SGSM1: variants seen among roughly 807,000 people sequenced by gnomAD.
SGSM1 encodes small G protein signaling modulator 1.
In SGSM1, 73 loss-of-function variants were observed where a neutral mutation model predicts 133.8. That is an observed-to-expected ratio of 0.55 (90% confidence interval 0.45 to 0.66). The LOEUF (loss-of-function observed/expected upper bound fraction) is 0.66, where lower values mean the gene tolerates loss of function less well. Ranked by LOEUF, SGSM1 falls within the 30% of genes least tolerant of loss-of-function variation. The probability of loss-of-function intolerance (pLI) is 0.00; values close to 1 mark genes in which losing one functional copy is unlikely to be tolerated. For missense variants in SGSM1, 1,213 were observed against 1,448.1 expected (o/e 0.84, Z 2.64); for synonymous variants, 563 against 573.0 (o/e 0.98, Z 0.25).
At chr22:24,851,100 C>CAAAAAAAA (rs68153757) in intron 5 of SGSM1, among the ~76,000 whole-genome samples, 43 of 95,466 alleles carry the variant, frequency 4.5e-4, no homozygotes, top group Non-Finnish European at 8.4e-4. Flanking sequence ...GACTCCATCT[C>CAAAAAAAA]AAAAAAAAAA....
chr22:24,891,155 T>C (rs1932807862), intron 16 of SGSM1, among the ~76,000 whole-genome samples: 1 of 152,094 alleles, frequency 6.6e-6, no homozygotes, highest in Admixed American at 6.6e-5. Flanking sequence ...GGCCAGGAGT[T>C]CAAGACCAGC....
intron 2 of SGSM1, among the ~76,000 whole-genome samples, chr22:24,839,933 T>TC (rs34794482): frequency 9.5e-3 from 23 of 2,420 alleles, no homozygotes; most frequent in African/African-American, 0.037. Context: ...ACCATCTCTC[T>TC]TTTTTTTTTT....
chr22:24,898,414 C>A lies in SGSM1; in HGVS notation c.2465C>A (p.Thr822Lys). ...ATGGAGGGCTGGAGGAGCAGCGAGA[C>A]AGAGAAACATGGCCAGGCGGACAGT... Reference protein sequence around the residue: ...VVMEGWRSSETEKHGQADSED... With the variant: ...VVMEGWRSSEKEKHGQADSED... The change falls in exon 19 of 25, where the codon ACA becomes AAA. Residue 822 changes from threonine to lysine, a missense_variant. Transcript: ENST00000400358. 1 of 1,613,824 alleles carries A rather than the reference C, an allele frequency of 6.2e-7. No individual in the cohort carries two copies. Among genetic ancestry groups the A allele is most frequent in the Non-Finnish European group, 8.5e-7 (1 of 1,179,866 alleles).
At chr22:24,896,135 T>C (rs979293726) in intron 18 of SGSM1, among the ~76,000 whole-genome samples, 1 of 152,038 alleles carries the variant, frequency 6.6e-6, no homozygotes, top group Non-Finnish European at 1.5e-5. Flanking sequence ...TTAATATCTG[T>C]ATATATTTGC....
intron 9 of SGSM1, among the ~76,000 whole-genome samples, chr22:24,864,854 C>T (rs536318253): frequency 1.3e-5 from 2 of 152,184 alleles, no homozygotes; most frequent in Admixed American, 6.5e-5. Context: ...TGCTAAAACA[C>T]GCAAATGAAA....
At chr22:24,832,412 G>T (rs570235180) in intron 2 of SGSM1, among the ~76,000 whole-genome samples, 65 of 152,280 alleles carry the variant, frequency 4.3e-4, no homozygotes, top group Middle Eastern at 3.4e-3. Flanking sequence ...TAAGAGTGTG[G>T]GTTTAGCTTC....
At chr22:24,847,596 G>T (rs1244832907) in intron 3 of SGSM1, 38 bp from the exon 4 acceptor site, 1 of 1,602,318 alleles carries the variant, frequency 6.2e-7, no homozygotes, top group Non-Finnish European at 8.5e-7. Context: ...TGGAGTGCAT[G>T]GGCAGGGCAG....
At chr22:24,862,860 G>A (rs11090351) in intron 9 of SGSM1, among the ~76,000 whole-genome samples, 18,135 of 152,092 alleles carry the variant, frequency 0.12, 1,141 homozygotes, top group South Asian at 0.24. Flanking sequence ...TCAAGTGGGG[G>A]AGTAGGACGA....
At chr22:24,837,414 C>CA (rs1026712014) in intron 2 of SGSM1, among the ~76,000 whole-genome samples, 1 of 152,140 alleles carries the variant, frequency 6.6e-6, no homozygotes, top group African/African-American at 2.4e-5. Flanking sequence ...GCCAGGTGTA[C>CA]AGGATGAAAC....
intron 2 of SGSM1, among the ~76,000 whole-genome samples, chr22:24,843,124 A>C (rs1929901772): frequency 6.6e-6 from 1 of 152,126 alleles, no homozygotes; most frequent in Non-Finnish European, 1.5e-5. Context: ...ACGAGACTCC[A>C]TTTCCACATC....
rs573926414 is a variant in SGSM1 at position 24,824,215 on chromosome 22, A to G, written c.63+17731A>G. Among the ~76,000 whole-genome samples the G allele has an allele frequency of 2.0e-5, 3 of 152,274 alleles. No homozygotes were observed. In the South Asian group the frequency reaches 6.2e-4, roughly 32 times the overall value. ...TTCCAGAGCTGGAGACAGAGCTAGG[A>G]ATGGGTGAGGATATCAAGTGGAGGG... On this transcript the variant is annotated intron_variant, in intron 2 of 24. Transcript: ENST00000400358.
intron 3 of SGSM1, among the ~76,000 whole-genome samples, chr22:24,846,765 C>T: frequency 6.6e-6 from 1 of 152,006 alleles, no homozygotes; most frequent in East Asian, 1.9e-4. Context: ...ATTAAGATAT[C>T]TAAGAGATCA....
chr22:24,860,919 AAAAATATAT>A (rs1233977025), intron 9 of SGSM1, among the ~76,000 whole-genome samples: 34 of 93,646 alleles, frequency 3.6e-4, no homozygotes, highest in African/African-American at 1.6e-3. Flanking sequence ...AAAAAAAAAA[AAAAATATAT>A]ATATATATAT....
chr22:24,893,563 G>A lies in SGSM1; in HGVS notation c.1903G>A (p.Asp635Asn). The change falls in exon 17 of 25, where the codon GAC becomes AAC. Residue 635 changes from aspartate (D) to asparagine (N), a missense_variant. Asp to Asn is a conservative substitution (Grantham distance 23, BLOSUM62 1). Coordinates refer to ENST00000400358, the MANE Select transcript of SGSM1 (RefSeq NM_001098497.3). ...CAAATGCTCATCCGGGGCCAGCTTG[G>A]ACAGCCACCTGCACCGGATGTTGCA... is the stretch of plus-strand genomic sequence containing the variant. Reference protein sequence around the residue: ...LAKCSSGASLDSHLHRMLHRD... With the variant: ...LAKCSSGASLNSHLHRMLHRD... 6.2e-7 allele frequency: 1 copy of A among 1,600,912 alleles called. No individual in the cohort carries two copies. The highest frequency in any genetic ancestry group is 8.5e-7 in the Non-Finnish European group (1 of 1,173,964).
At chr22:24,907,604 G>A (rs1933439677) in intron 21 of SGSM1, among the ~76,000 whole-genome samples, 1 of 151,806 alleles carries the variant, frequency 6.6e-6, no homozygotes, top group African/African-American at 2.4e-5. Flanking sequence ...AAATTCAAGG[G>A]ATTTAGAATA....
chr22:24,816,649 C>T (rs1301702541), intron 2 of SGSM1, among the ~76,000 whole-genome samples: 1 of 152,046 alleles, frequency 6.6e-6, no homozygotes, highest in African/African-American at 2.4e-5. Flanking sequence ...TTGTGATCCG[C>T]CTGCCTTGGC....
chr22:24,924,070 C>T, intron 24 of SGSM1, 116 bp from the exon 25 acceptor site: 2 of 887,740 alleles, frequency 2.3e-6, no homozygotes, highest in Non-Finnish European at 3.6e-6. Flanking sequence ...AGGGCCTCTG[C>T]TTCCTGAGTC....
At chr22:24,904,314 C>G (rs569556470) in intron 20 of SGSM1, among the ~76,000 whole-genome samples, 1 of 152,208 alleles carries the variant, frequency 6.6e-6, no homozygotes, top group East Asian at 1.9e-4. Flanking sequence ...GGCGCAGTGT[C>G]TCACGCCTGT....
intron 19 of SGSM1, among the ~76,000 whole-genome samples, chr22:24,899,989 T>C (rs1028572195): frequency 1.3e-5 from 2 of 152,106 alleles, no homozygotes; most frequent in South Asian, 4.1e-4. Flanking sequence ...TCTTCAAATA[T>C]GCTATAAAAT....
Sources: gnomAD v4.1 joint callset for allele counts (sites outside exome capture counted in the v4.1 genomes callset) on GRCh38, gnomAD v4.1.1 for gene constraint, MANE v1.5 for transcripts, NCBI Gene and HGNC (gene_info 2026-07-23, HGNC 2026-07-21) for gene names.